Variants in ATP10D observed in about 807,000 individuals in gnomAD.
ATP10D encodes phospholipid-transporting ATPase VD.
A neutral mutation model predicts 144.8 loss-of-function variants in ATP10D; 89 were observed. The observed-to-expected ratio is 0.61, with a 90% CI of 0.52 to 0.73. The LOEUF (loss-of-function observed/expected upper bound fraction) is 0.73, where lower values mean the gene tolerates loss of function less well. ATP10D is among the 30% of genes least tolerant of loss of function. The probability of loss-of-function intolerance (pLI) is 0.00; values close to 1 mark genes in which losing one functional copy is unlikely to be tolerated. For missense variants in ATP10D, 1,603 were observed against 1,714.8 expected (o/e 0.93, Z 1.15); for synonymous variants, 571 against 615.1 (o/e 0.93, Z 1.06).
Position 47,558,292 on chromosome 4 carries a change from G to A in ATP10D, c.2434+19G>A, listed in dbSNP as rs1252322152. 4 of 1,603,616 alleles carry A rather than the reference G, an allele frequency of 2.5e-6. No individual in the cohort carries two copies. Among genetic ancestry groups the A allele is most frequent in the South Asian group, 1.1e-5 (1 of 90,422 alleles). On this transcript the variant is annotated intron_variant, in intron 12 of 22. Transcript: ENST00000273859. ...TCCCCAGGTAAGTTTATACAAAAGTGAAATAGTAGTGATTTGAAAAGCTCG... is the reference window on the plus strand; with the variant it reads ...TCCCCAGGTAAGTTTATACAAAAGTAAAATAGTAGTGATTTGAAAAGCTCG...
In ATP10D at chr4:47,536,842, T is replaced by C; in HGVS notation, c.1300T>C (p.Tyr434His). ...NIAEDLGQIQ[Y>H]LFSDKTGTLT... The stretch of plus-strand genomic sequence containing the variant: ...CGCCGAGGATCTGGGACAGATTCAG[T>C]ACCTCTTTTCCGATAAGACAGGAAC... Residue 434 changes from tyrosine to histidine, a missense_variant, in exon 9 of 23, where the codon TAC (tyrosine) becomes CAC (histidine). Coordinates refer to ENST00000273859, the MANE Select transcript of ATP10D (RefSeq NM_020453.4). 1 of 1,613,444 alleles carries C rather than the reference T, an allele frequency of 6.2e-7. No homozygotes were observed.
At chr4:47,528,463 G>A (rs1260505002) in intron 5 of ATP10D, among the ~76,000 whole-genome samples, 1 of 3,202 alleles carries the variant, frequency 3.1e-4, no homozygotes, top group African/African-American at 4.5e-4. Flanking sequence ...TCCATGGTGT[G>A]TGTGTGTGTG....
chr4:47,581,027 C>T (rs192514393), intron 20 of ATP10D, among the ~76,000 whole-genome samples: 45 of 152,238 alleles, frequency 3.0e-4, no homozygotes, highest in Admixed American at 5.9e-4. Flanking sequence ...TGCACCACTG[C>T]ACTCCAGCCT....
rs565136756 is a variant in ATP10D at position 47,582,003 on chromosome 4, C to A, written c.3692C>A (p.Pro1231His). ...SDTDIFAFGN[P>H]LNTAALFIVL... Reference sequence around the variant, plus strand: ...ACTGACATCTTTGCATTTGGAAACCCCCTGAACACAGCCGCTCTGTTCATC... The same window carrying A: ...ACTGACATCTTTGCATTTGGAAACCACCTGAACACAGCCGCTCTGTTCATC... The change falls in exon 21 of 23, where the codon CCC becomes CAC. Residue 1231 changes from proline (P) to histidine (H), a missense_variant. Physicochemically the swap from Pro to His is moderately conservative, Grantham distance 77. Transcript: ENST00000273859. 188 of 1,614,106 alleles carry A rather than the reference C, an allele frequency of 1.2e-4. 2 individuals carry two copies. The South Asian group carries it at 1.9e-3, about 17-fold the overall frequency.
rs200363788 is a variant in ATP10D, at chr4:47,587,057, G to A, written c.3792G>A (p.Leu1264=). The change falls in exon 22 of 23, where the codon TTG becomes TTA. Residue 1264 remains leucine, a synonymous_variant. Transcript: ENST00000273859. ...IHLLVIIGSI[L]SYFLFAIVFG... is the part of the protein sequence containing the mutation. ...TGCTGGTCATCATTGGTAGCATCTT[G>A]TCTTATTTTTTATTTGCCATAGTTT... 3.7e-6 allele frequency: 6 copies of A among 1,613,852 alleles called. No homozygotes were observed. Among genetic ancestry groups the A allele is most frequent in the Non-Finnish European group, 5.1e-6 (6 of 1,179,918 alleles).
rs766321491 is a variant in ATP10D at position 47,535,941 on chromosome 4, G to A, written c.923G>A (p.Arg308Gln). 15 of 1,612,806 alleles carry A rather than the reference G, an allele frequency of 9.3e-6. No homozygotes were observed. Among genetic ancestry groups the A allele is most frequent in the East Asian group, 2.2e-5 (1 of 44,876 alleles). ...TKAMLNNSGP[R>Q]YKRSKLERRA... ...GCAATGCTGAACAACAGTGGGCCAC[G>A]GTATAAGCGCAGCAAATTAGAAAGA... The change falls in exon 7 of 23, where the codon CGG (arginine) becomes CAG (glutamine). Residue 308 changes from arginine to glutamine, a missense_variant. Coordinates refer to ENST00000273859, the MANE Select transcript of ATP10D (RefSeq NM_020453.4).
intron 20 of ATP10D, 83 bp downstream of exon 20, chr4:47,580,561 G>A: frequency 4.0e-6 from 5 of 1,246,654 alleles, no homozygotes; most frequent in Non-Finnish European, 5.9e-6. Context: ...TCAGCATAAA[G>A]GAGGGCAGAT....
chr4:47,516,833 G>A (rs1056390435), intron 3 of ATP10D, among the ~76,000 whole-genome samples: 1 of 152,096 alleles, frequency 6.6e-6, no homozygotes, highest in African/African-American at 2.4e-5. Flanking sequence ...ATGAAATAAT[G>A]GTATAAGTCA....
At chr4:47,521,640 T>C (rs1396548788) in intron 3 of ATP10D, among the ~76,000 whole-genome samples, 1 of 152,152 alleles carries the variant, frequency 6.6e-6, no homozygotes, top group Admixed American at 6.5e-5. Flanking sequence ...ACTCTCCATT[T>C]CCTATGGAAT....
At chr4:47,568,250 T>G (rs923472932) in intron 15 of ATP10D, among the ~76,000 whole-genome samples, 2 of 152,218 alleles carry the variant, frequency 1.3e-5, no homozygotes, top group Non-Finnish European at 2.9e-5. Context: ...ATTTTCATGT[T>G]TATTGGTGTA....
intron 16 of ATP10D, among the ~76,000 whole-genome samples, chr4:47,569,443 A>G (rs906202791): frequency 6.6e-6 from 1 of 152,206 alleles, no homozygotes; most frequent in African/African-American, 2.4e-5. Flanking sequence ...ACTGAATCAC[A>G]GAACTGAAAA....
chr4:47,547,065 T>C (rs1030651096), intron 10 of ATP10D: 25 of 583,814 alleles, frequency 4.3e-5, no homozygotes, highest in Non-Finnish European at 6.9e-5. Context: ...AATAACTCAA[T>C]GTTGAGAGGT....
chr4:47,557,780 G>T lies in ATP10D; in HGVS notation c.1941G>T (p.Glu647Asp). Reference protein sequence around the residue: ...SSSPSLNSGKEPSSGVPNAFV... With the variant: ...SSSPSLNSGKDPSSGVPNAFV... The stretch of plus-strand genomic sequence containing the variant: ...CTCCATCGCTTAACAGTGGGAAAGA[G>T]CCATCTTCTGGAGTTCCAAACGCCT... The change falls in exon 12 of 23, where the codon GAG (glutamate) becomes GAT (aspartate). Residue 647 changes from glutamate (E) to aspartate (D), a missense_variant. Transcript: ENST00000273859. 1.2e-6 allele frequency: 2 copies of T among 1,614,236 alleles called. No individual in the cohort carries two copies. The highest frequency in any genetic ancestry group is 2.2e-5 in the South Asian group (2 of 91,082).
chr4:47,540,141 C>T (rs1029010824), intron 9 of ATP10D, among the ~76,000 whole-genome samples: 1 of 152,190 alleles, frequency 6.6e-6, no homozygotes, highest in African/African-American at 2.4e-5. Flanking sequence ...CCAGTTCTCT[C>T]TAGAAATTAA....
intron 4 of ATP10D, 53 bp downstream of exon 4, chr4:47,523,269 G>T (rs936032373): frequency 7.1e-7 from 1 of 1,410,346 alleles, no homozygotes; most frequent in Non-Finnish European, 1.0e-6. Flanking sequence ...TTCAGAAGAT[G>T]ACTGAGCTCA....
chr4:47,578,874 A>G (rs1720368507), intron 19 of ATP10D, among the ~76,000 whole-genome samples: 1 of 152,240 alleles, frequency 6.6e-6, no homozygotes, highest in African/African-American at 2.4e-5. Flanking sequence ...TAAAAATTCC[A>G]AGTATATTAT....
rs746635713 is a variant in ATP10D, at chr4:47,525,618, A to C, written c.752A>C (p.Asp251Ala). ...SRIECESPNN[D>A]LSRFRGFLEH... ...ATAGAATGTGAAAGCCCAAACAATG[A>C]CCTCAGCAGATTCCGAGGCTTCCTG... is the stretch of plus-strand genomic sequence containing the variant. The change falls in exon 5 of 23, where the codon GAC becomes GCC. Residue 251 changes from aspartate to alanine, a missense_variant. Asp to Ala is a moderately radical substitution (Grantham distance 126, BLOSUM62 -2). Transcript: ENST00000273859. 1 of 1,613,306 alleles carries C rather than the reference A, an allele frequency of 6.2e-7. No homozygotes were observed.
chr4:47,508,396 G>A (rs1716136413), intron 1 of ATP10D, among the ~76,000 whole-genome samples: 1 of 152,218 alleles, frequency 6.6e-6, no homozygotes, highest in African/African-American at 2.4e-5. Flanking sequence ...ACTTATCTGT[G>A]GCTTGAGAAA....
intron 4 of ATP10D, among the ~76,000 whole-genome samples, 168 bp from the exon 5 acceptor site, chr4:47,525,389 G>A (rs573879814): frequency 6.6e-6 from 1 of 152,100 alleles, no homozygotes; most frequent in Non-Finnish European, 1.5e-5. Context: ...TCCCAAATAT[G>A]GATCACATGA....
Sources: allele counts gnomAD v4.1 joint callset (sites outside exome capture counted in the v4.1 genomes callset), GRCh38; gene constraint gnomAD v4.1.1; transcripts MANE v1.5; gene names NCBI Gene and HGNC (gene_info 2026-07-23, HGNC 2026-07-21).